BBS9: variants seen among roughly 807,000 people sequenced by gnomAD.
The protein encoded by BBS9 is protein PTHB1.
Under a neutral mutation model 117.7 loss-of-function variants are expected in BBS9, and 89 were observed. The observed-to-expected ratio is 0.76, with a 90% CI of 0.64 to 0.90. The LOEUF (loss-of-function observed/expected upper bound fraction) is 0.90, where lower values mean the gene tolerates loss of function less well. BBS9 is among the 40% of genes least tolerant of loss of function. The pLI is 0.00. For missense variants in BBS9, 982 were observed against 1,042.2 expected, an observed-to-expected ratio of 0.94 and a Z score of 0.80; for synonymous variants, 379 against 370.9, an observed-to-expected ratio of 1.02 and a Z score of -0.25.
At chr7:33,168,480 AT>A (rs1261811742) in intron 4 of BBS9, among the ~76,000 whole-genome samples, 1 of 152,130 alleles carries the variant, frequency 6.6e-6, no homozygotes, top group Non-Finnish European at 1.5e-5. Flanking sequence ...AAATGAAAAT[AT>A]TTTACTGTGT....
intron 19 of BBS9, among the ~76,000 whole-genome samples, chr7:33,389,266 C>G (rs527497033): frequency 2.6e-5 from 4 of 152,292 alleles, no homozygotes; most frequent in African/African-American, 9.6e-5. Flanking sequence ...TTCTGCCCTT[C>G]TCCCCTGCCC....
chr7:33,342,530 A>G (rs1456293525), intron 11 of BBS9, among the ~76,000 whole-genome samples: 1 of 152,108 alleles, frequency 6.6e-6, no homozygotes, highest in Non-Finnish European at 1.5e-5. Context: ...GCACTGTGTT[A>G]TAATGTATAT....
At chr7:33,221,320 A>G (rs1389806654) in intron 5 of BBS9, among the ~76,000 whole-genome samples, 1 of 152,204 alleles carries the variant, frequency 6.6e-6, no homozygotes, top group Non-Finnish European at 1.5e-5. Flanking sequence ...AGTCTGTTCC[A>G]GACATAGAGC....
At chr7:33,214,611 G>A (rs984045016) in intron 5 of BBS9, among the ~76,000 whole-genome samples, 1 of 152,110 alleles carries the variant, frequency 6.6e-6, no homozygotes, top group Admixed American at 6.5e-5. Context: ...CTGCCATCTT[G>A]CTCTGCCCTC....
At chr7:33,274,082 A>G in intron 9 of BBS9, 126 bp downstream of exon 9, 1 of 983,150 alleles carries the variant, frequency 1.0e-6, no homozygotes, top group Non-Finnish European at 1.5e-6. Flanking sequence ...TATGAATGTC[A>G]ATAATAAAAG....
chr7:33,525,939 G>C (rs142673727), intron 20 of BBS9, among the ~76,000 whole-genome samples: 17,504 of 151,262 alleles, frequency 0.12, 1,126 homozygotes, highest in African/African-American at 0.16. Context: ...TTTAGGGCAG[G>C]CCTGGTGGTG....
At chr7:33,596,635 C>T (rs1364496970) in intron 21 of BBS9, among the ~76,000 whole-genome samples, 1 of 152,070 alleles carries the variant, frequency 6.6e-6, no homozygotes, top group Admixed American at 6.6e-5. Context: ...CATGATTCTT[C>T]CTCGCTATAC....
chr7:33,146,582 C>A (rs1192099150), intron 2 of BBS9, among the ~76,000 whole-genome samples: 1 of 151,492 alleles, frequency 6.6e-6, no homozygotes, highest in Non-Finnish European at 1.5e-5. Context: ...ATCTGTAATC[C>A]CAGCTACCTG....
intron 19 of BBS9, among the ~76,000 whole-genome samples, chr7:33,458,114 ACT>A (rs1158016655): frequency 1.3e-5 from 2 of 152,178 alleles, no homozygotes; most frequent in Admixed American, 6.6e-5. Context: ...GGCCTGGATG[ACT>A]CTGTGCACTT....
intron 21 of BBS9, among the ~76,000 whole-genome samples, chr7:33,574,977 G>A (rs118191176): frequency 0.028 from 4,264 of 152,056 alleles, 95 homozygotes; most frequent in South Asian, 0.05. Context: ...TAATTAAAAA[G>A]AAGTGATCTT....
chr7:33,301,260 C>A (rs62451183), intron 9 of BBS9, among the ~76,000 whole-genome samples: 55 of 151,898 alleles, frequency 3.6e-4, no homozygotes, highest in Non-Finnish European at 5.4e-4. Context: ...AAGCATTTAT[C>A]CATTGTGTTA....
intron 21 of BBS9, among the ~76,000 whole-genome samples, chr7:33,604,494 T>G (rs1249681395): frequency 3.3e-5 from 5 of 151,088 alleles, no homozygotes; most frequent in African/African-American, 7.3e-5. Flanking sequence ...GTGCTTTGCT[T>G]CTTTTATAGT....
At chr7:33,211,083 T>C (rs1787923422) in intron 5 of BBS9, among the ~76,000 whole-genome samples, 1 of 152,246 alleles carries the variant, frequency 6.6e-6, no homozygotes, top group Non-Finnish European at 1.5e-5. Flanking sequence ...AGTGTGTTTC[T>C]TGTAGGCAAC....
chr7:33,340,030 T>C (rs756197647), intron 10 of BBS9, among the ~76,000 whole-genome samples: 12 of 151,732 alleles, frequency 7.9e-5, no homozygotes, highest in South Asian at 6.2e-4. Context: ...TTAAGATCTT[T>C]GTTGATACTA....
chr7:33,495,956 G>A (rs907081902), intron 19 of BBS9, among the ~76,000 whole-genome samples: 5 of 151,990 alleles, frequency 3.3e-5, no homozygotes, highest in African/African-American at 4.8e-5. Context: ...TTCTAAAACC[G>A]GTTTTATGTG....
intron 21 of BBS9, among the ~76,000 whole-genome samples, chr7:33,550,682 G>T (rs1436560381): frequency 6.6e-6 from 1 of 151,998 alleles, no homozygotes; most frequent in African/African-American, 2.4e-5. Flanking sequence ...AACAATTTTA[G>T]TGTGTTTATT....
intron 3 of BBS9, among the ~76,000 whole-genome samples, chr7:33,155,179 T>C (rs1367481039): frequency 6.6e-6 from 1 of 152,228 alleles, no homozygotes; most frequent in Non-Finnish European, 1.5e-5. Context: ...GTAATAATGA[T>C]TGGTGTTTTG....
rs1372810888 is a variant in BBS9, at chr7:33,239,536, A to G, written c.443-17700A>G. ...GCGATTCTCCTGCCTCAGTCTCCCA[A>G]GTAGCTGGGATTACAGGCACGTGCC... On this transcript the variant is annotated intron_variant, in intron 5 of 22. Coordinates refer to ENST00000242067, the MANE Select transcript of BBS9 (RefSeq NM_198428.3). 2.6e-5 allele frequency among the ~76,000 whole-genome samples: 4 copies of G among 152,198 alleles called. No individual in the cohort carries two copies. In the East Asian group the frequency reaches 7.7e-4, roughly 29 times the overall value.
intron 19 of BBS9, among the ~76,000 whole-genome samples, chr7:33,475,078 A>T (rs985496615): frequency 2.0e-5 from 3 of 152,208 alleles, no homozygotes; most frequent in African/African-American, 7.2e-5. Flanking sequence ...TGGCAAGAAA[A>T]ATAAGATTAC....
Sources: allele counts gnomAD v4.1 joint callset (sites outside exome capture counted in the v4.1 genomes callset), GRCh38; gene constraint gnomAD v4.1.1; transcripts MANE v1.5; gene names NCBI Gene and HGNC (gene_info 2026-07-23, HGNC 2026-07-21).